Variants in EWSR1 observed in about 807,000 individuals in gnomAD.
The protein encoded by EWSR1 is RNA-binding protein EWS.
EWSR1 carries 14 observed loss-of-function variants against 92.1 expected under a neutral mutation model. That is an observed-to-expected ratio of 0.15 (90% CI 0.10 to 0.24). The LOEUF is 0.24. EWSR1 is among the 10% of genes least tolerant of loss of function. The probability of loss-of-function intolerance (pLI) is 1.00; values close to 1 mark genes in which losing one functional copy is unlikely to be tolerated. For synonymous variants in EWSR1, 303 were observed against 292.9 expected, an observed-to-expected ratio of 1.03 and a Z score of -0.35; for missense variants, 637 against 870.9, an observed-to-expected ratio of 0.73 and a Z score of 3.38.
In EWSR1 at chr22:29,296,280, G is replaced by A. The variant is rs1482709318; in HGVS notation, c.1206G>A (p.Leu402=). Reference sequence around the variant, plus strand: ...GGCAACCCATGATCCACATCTACCTGGACAAGGAAACAGGAAAGCCCAAAG... The same window carrying A: ...GGCAACCCATGATCCACATCTACCTAGACAAGGAAACAGGAAAGCCCAAAG... ...RTGQPMIHIY[L]DKETGKPKGD... The change falls in exon 12 of 17, where the codon CTG becomes CTA. Residue 402 remains leucine (L), a synonymous_variant. Coordinates refer to ENST00000397938, the MANE Select transcript of EWSR1 (RefSeq NM_005243.4). The A allele has an allele frequency of 3.7e-6, 6 of 1,614,128 alleles. No individual in the cohort carries two copies. The South Asian group carries it at 5.5e-5, about 15-fold the overall frequency.
At chr22:29,288,113 C>T (rs2060185885) in intron 7 of EWSR1, among the ~76,000 whole-genome samples, 1 of 151,872 alleles carries the variant, frequency 6.6e-6, no homozygotes, top group African/African-American at 2.4e-5. Context: ...AGAGAGGTAA[C>T]CAAAACACAT....
intron 6 of EWSR1, 127 bp from the exon 7 acceptor site, chr22:29,286,796 A>C (rs758751090): frequency 1.1e-5 from 7 of 642,648 alleles, no homozygotes; most frequent in Non-Finnish European, 1.9e-5. Flanking sequence ...GTTGATGTGT[A>C]GAAAGTAACT....
chr22:29,280,864 T>TG (rs2059529994), intron 5 of EWSR1, among the ~76,000 whole-genome samples: 6 of 12,388 alleles, frequency 4.8e-4, no homozygotes, highest in Non-Finnish European at 6.7e-4. Flanking sequence ...TGTGTGTTGT[T>TG]TTTTTTTTTT....
In EWSR1 at chr22:29,283,521, C is replaced by CT. The variant is rs989326225; in HGVS notation, c.581+969dup. On this transcript the variant is annotated intron_variant, in intron 6 of 16. Transcript: ENST00000397938. ...ATGCCACCACACCTGACTAACTTTT[C>CT]TTTTTGTTTTATTGTTGTTTTGAGA... Among the ~76,000 whole-genome samples the CT allele has an allele frequency of 9.3e-5, 14 of 150,870 alleles. 1 individual carries two copies. The highest frequency in any genetic ancestry group is 3.2e-4 in the African/African-American group (13 of 40,374).
At chr22:29,273,477 C>A (rs372736294) in intron 3 of EWSR1, among the ~76,000 whole-genome samples, 46 of 152,106 alleles carry the variant, frequency 3.0e-4, no homozygotes, top group African/African-American at 1.1e-3. Flanking sequence ...TTTTTTTTCC[C>A]CCTTTTGAGA....
Position 29,292,167 on chromosome 22 carries a change from T to C in EWSR1, c.1043T>C (p.Leu348Pro). 1 of 1,613,928 alleles carries C rather than the reference T, an allele frequency of 6.2e-7. No individual in the cohort carries two copies. The highest frequency in any genetic ancestry group is 8.5e-7 in the Non-Finnish European group (1 of 1,179,774). Residue 348 changes from leucine to proline, a missense_variant and splice_region_variant, in exon 10 of 17, where the codon CTA (leucine) becomes CCA (proline). By Grantham distance (98) the Leu-to-Pro change is moderately conservative (BLOSUM62 -3). Coordinates refer to ENST00000397938, the MANE Select transcript of EWSR1 (RefSeq NM_005243.4). ...GPMDEGPDLD[L>P]GPPVDPDEDS... ...ATGGATGAAGGACCAGATCTTGATC[T>C]AGGTAATTTTGAATTCTAGTTGTGC...
chr22:29,296,731 A>G (rs547297265), intron 12 of EWSR1, among the ~76,000 whole-genome samples: 8 of 152,266 alleles, frequency 5.3e-5, no homozygotes, highest in Admixed American at 3.3e-4. Context: ...ACTTCAGACA[A>G]AACCAACTTG....
At chr22:29,284,917 T>A (rs1335194970) in intron 6 of EWSR1, among the ~76,000 whole-genome samples, 1 of 151,224 alleles carries the variant, frequency 6.6e-6, no homozygotes. Context: ...CCTCCCAGGT[T>A]AAAGTGATTC....
chr22:29,283,666 C>G (rs2059793227), intron 6 of EWSR1, among the ~76,000 whole-genome samples: 1 of 147,598 alleles, frequency 6.8e-6, no homozygotes, highest in Admixed American at 6.7e-5. Context: ...GCTGGGATTA[C>G]AAGTGCTCAC....
At chr22:29,281,620 G>C (rs1005157548) in intron 5 of EWSR1, among the ~76,000 whole-genome samples, 2 of 151,394 alleles carry the variant, frequency 1.3e-5, no homozygotes, top group African/African-American at 4.9e-5. Context: ...TTGCTCTGTC[G>C]CCCAGGCTGG....
At chr22:29,274,128 G>A in intron 4 of EWSR1, 1 of 994,380 alleles carries the variant, frequency 1.0e-6, no homozygotes, top group Admixed American at 2.1e-5. Context: ...TGGAGACTAT[G>A]TAAAAGATTT....
chr22:29,289,741 AAAGTT>A (rs1461984835), intron 8 of EWSR1: 3 of 232,312 alleles, frequency 1.3e-5, no homozygotes, highest in African/African-American at 6.6e-5. Context: ...CTTCAAAATT[AAAGTT>A]GATTTTTAAC....
In EWSR1 at chr22:29,287,076, A is replaced by G. The variant is rs2060101439; in HGVS notation, c.735A>G (p.Gly245=). ...CCACTAGTTACCCACCCCAAACTGG[A>G]TCCTACAGCCAAGCTCCAAGTCAAT... ...QPPTSYPPQT[G]SYSQAPSQYS... The change falls in exon 7 of 17, where the codon GGA becomes GGG. Residue 245 remains glycine, a synonymous_variant. Coordinates refer to ENST00000397938, the MANE Select transcript of EWSR1 (RefSeq NM_005243.4). 3.7e-6 allele frequency: 6 copies of G among 1,613,936 alleles called. No homozygotes were observed. Among genetic ancestry groups the G allele is most frequent in the East Asian group, 2.2e-5 (1 of 44,896 alleles).
chr22:29,273,289 G>T (rs1193177639), intron 3 of EWSR1, among the ~76,000 whole-genome samples: 1 of 152,198 alleles, frequency 6.6e-6, no homozygotes, highest in African/African-American at 2.4e-5. Context: ...TTTTCTGACA[G>T]ATTTTAGCCC....
chr22:29,268,561 G>A (rs998712768), intron 1 of EWSR1, among the ~76,000 whole-genome samples: 2 of 152,110 alleles, frequency 1.3e-5, no homozygotes, highest in Non-Finnish European at 2.9e-5. Flanking sequence ...CCCGTGGCGC[G>A]CGGGGGGCTT....
chr22:29,299,769 G>A lies in EWSR1; in HGVS notation c.1849G>A (p.Gly617Ser). ...TGGCTTTGGTGGAGGAAGACGAGGT[G>A]GCCCTGGGGGGCCCCCTGGACCTTT... is the stretch of plus-strand genomic sequence containing the variant. ...RGGFGGGRRG[G>S]PGGPPGPLME... Residue 617 changes from glycine (G) to serine (S), a missense_variant, in exon 16 of 17, where the codon GGC (glycine) becomes AGC (serine). Gly to Ser is a moderately conservative substitution (Grantham distance 56, BLOSUM62 0). Transcript: ENST00000397938. 6.2e-7 allele frequency: 1 copy of A among 1,603,750 alleles called. No individual in the cohort carries two copies. The highest frequency in any genetic ancestry group is 8.5e-7 in the Non-Finnish European group (1 of 1,173,676).
chr22:29,298,717 GTTGTTC>G lies in EWSR1; in HGVS notation c.1418-10_1418-5del. The G allele has an allele frequency of 6.2e-7, 1 of 1,611,670 alleles. No individual in the cohort carries two copies. Among genetic ancestry groups the G allele is most frequent in the Non-Finnish European group, 8.5e-7 (1 of 1,179,114 alleles). On this transcript the variant is annotated splice_polypyrimidine_tract_variant and intron_variant, in intron 13 of 16. Transcript: ENST00000397938. ...ACAGAGAAATGATTTGCTGTTTCTT[GTTGTTC>G]TTGTTGTAGGTCCAGGAGGCCCAGG...
chr22:29,275,936 T>TG lies in EWSR1; in HGVS notation c.226+2072_226+2073insG, dbSNP rs55975631. 170 of 119,874 alleles carry TG rather than the reference T, an allele frequency of 1.4e-3. 1 individual carries two copies. The highest frequency in any genetic ancestry group is 8.7e-3 in the African/African-American group (146 of 16,756). The allele number at this position is 119,874 out of a possible 1,614,324, so 7.4% of individuals were successfully genotyped here. On this transcript the variant is annotated intron_variant, in intron 4 of 16. Transcript: ENST00000397938. ...GGTCTTTTGTTTTTTTGTTTTTTTGTTTTTTTTTTGGTCATTAAATCATTT... is the reference window on the plus strand; with the variant it reads ...GGTCTTTTGTTTTTTTGTTTTTTTGTGTTTTTTTTTGGTCATTAAATCATTT...
At chr22:29,269,853 C>T (rs1410453968) in intron 1 of EWSR1, among the ~76,000 whole-genome samples, 2 of 152,186 alleles carry the variant, frequency 1.3e-5, no homozygotes, top group Non-Finnish European at 1.5e-5. Context: ...CGTGGCTGGA[C>T]GTGCCTTTTT....
Sources: allele counts gnomAD v4.1 joint callset (sites outside exome capture counted in the v4.1 genomes callset), GRCh38; gene constraint gnomAD v4.1.1; transcripts MANE v1.5; gene names NCBI Gene and HGNC (gene_info 2026-07-23, HGNC 2026-07-21).